Variants in SIPA1L2 observed in about 807,000 individuals in gnomAD.
SIPA1L2 encodes the protein signal induced proliferation associated 1 like 2, also known as signal-induced proliferation-associated 1-like protein 2.
Under a neutral mutation model 163.9 loss-of-function variants are expected in SIPA1L2, and 56 were observed. That is an observed-to-expected ratio of 0.34 (90% confidence interval 0.28 to 0.43). The LOEUF is 0.43. Ranked by LOEUF, SIPA1L2 falls within the 20% of genes least tolerant of loss-of-function variation. SIPA1L2 has a pLI of 1.00. For missense variants in SIPA1L2, 1,974 were observed against 2,193.5 expected (o/e 0.90, Z 2.00); for synonymous variants, 877 against 865.7 (o/e 1.01, Z -0.23).
Position 232,461,170 on chromosome 1 carries a change from G to C in SIPA1L2, c.2821-9C>G, listed in dbSNP as rs1664216023. The C allele has an allele frequency of 6.2e-7, 1 of 1,611,906 alleles. No homozygotes were observed. Among genetic ancestry groups the C allele is most frequent in the Admixed American group, 1.7e-5 (1 of 59,914 alleles). Reference sequence around the variant, plus strand: ...CAGCCTCTCGTCACTATCTAAGGGGGAAGGAGACTGTTAGAGATGCCCTTC... The same window carrying C: ...CAGCCTCTCGTCACTATCTAAGGGGCAAGGAGACTGTTAGAGATGCCCTTC... On this transcript the variant is annotated splice_polypyrimidine_tract_variant and intron_variant, in intron 9 of 22. Transcript: ENST00000674635.
intron 1 of SIPA1L2, among the ~76,000 whole-genome samples, chr1:232,603,179 A>G (rs1447969851): frequency 6.6e-6 from 1 of 152,216 alleles, no homozygotes; most frequent in African/African-American, 2.4e-5. Context: ...GACAAAGAAC[A>G]GAGTGCAACA....
chr1:232,438,136 G>A (rs941036329), intron 15 of SIPA1L2, among the ~76,000 whole-genome samples: 1 of 152,096 alleles, frequency 6.6e-6, no homozygotes, highest in African/African-American at 2.4e-5. Flanking sequence ...GACTTTGAAG[G>A]GGAGCCTGAG....
intron 3 of SIPA1L2, among the ~76,000 whole-genome samples, chr1:232,504,891 A>C (rs568026759): frequency 4.6e-5 from 7 of 152,368 alleles, no homozygotes; most frequent in African/African-American, 1.7e-4. Flanking sequence ...ATGCAAACCC[A>C]GACAGTCCGG....
chr1:232,444,169 C>T (rs1360199076), intron 11 of SIPA1L2, among the ~76,000 whole-genome samples: 7 of 151,938 alleles, frequency 4.6e-5, no homozygotes, highest in Admixed American at 6.6e-5. Context: ...ATCTTTTTTT[C>T]AGACATGCAA....
At chr1:232,488,483 A>G (rs1340760826) in intron 5 of SIPA1L2, among the ~76,000 whole-genome samples, 1 of 152,238 alleles carries the variant, frequency 6.6e-6, no homozygotes, top group African/African-American at 2.4e-5. Flanking sequence ...AGATGAACAT[A>G]AACAGTATGT....
chr1:232,551,940 A>G (rs1394653505), intron 2 of SIPA1L2, among the ~76,000 whole-genome samples: 2 of 152,172 alleles, frequency 1.3e-5, no homozygotes, highest in African/African-American at 4.8e-5. Context: ...CCTGGGTTTA[A>G]GCGATTCTCC....
At chr1:232,481,225 G>A (rs1029858741) in intron 6 of SIPA1L2, among the ~76,000 whole-genome samples, 2 of 152,190 alleles carry the variant, frequency 1.3e-5, no homozygotes, top group Non-Finnish European at 2.9e-5. Context: ...AACCTTGACA[G>A]TGAACGTGGC....
At chr1:232,484,965 T>C (rs1572967859) in intron 5 of SIPA1L2, among the ~76,000 whole-genome samples, 1 of 152,206 alleles carries the variant, frequency 6.6e-6, no homozygotes. Flanking sequence ...GGCAAAATGA[T>C]ACTCATTTCC....
chr1:232,573,584 C>T (rs1355041436), intron 2 of SIPA1L2, among the ~76,000 whole-genome samples: 5 of 152,148 alleles, frequency 3.3e-5, no homozygotes, highest in Admixed American at 3.3e-4. Context: ...CATCTTATTT[C>T]CTGCTGCTAC....
At chr1:232,530,846 G>A (rs114039835) in intron 2 of SIPA1L2, among the ~76,000 whole-genome samples, 4 of 152,186 alleles carry the variant, frequency 2.6e-5, no homozygotes, top group Admixed American at 6.5e-5. Context: ...TAAAATCTCC[G>A]TTTTCCCCTC....
intron 2 of SIPA1L2, among the ~76,000 whole-genome samples, chr1:232,546,004 C>A (rs1053831445): frequency 6.6e-6 from 1 of 152,220 alleles, no homozygotes; most frequent in African/African-American, 2.4e-5. Context: ...GACGTAGGCA[C>A]AATCAGCAAC....
rs1424525895 is a variant in SIPA1L2, at chr1:232,479,649, T to C, written c.2063A>G (p.Tyr688Cys). Residue 688 changes from tyrosine (Y) to cysteine (C), a missense_variant, in exon 7 of 23, where the codon TAC becomes TGC. Around this residue, in one of 3 missense-constraint regions of SIPA1L2, gnomAD observed 288 missense variants for 418.9 expected, o/e 0.69. Transcript: ENST00000674635. ...LMFHVSTLLP[Y>C]MPNNRQQLLR... is the part of the protein sequence containing the mutation. ...TACCTGTTGTCTGTTGTTGGGCATG[T>C]AGGGAAGCAGGGTTGACACGTGGAA... 3 of 1,613,624 alleles carry C rather than the reference T, an allele frequency of 1.9e-6. No individual in the cohort carries two copies. Among genetic ancestry groups the C allele is most frequent in the South Asian group, 1.1e-5 (1 of 91,072 alleles).
At chr1:232,495,564 CAAAAA>C (rs386369969) in intron 3 of SIPA1L2, among the ~76,000 whole-genome samples, 1 of 100,364 alleles carries the variant, frequency 1.0e-5, no homozygotes. Context: ...GACTCCGTCT[CAAAAA>C]AAAAAAAAAA....
At chr1:232,405,116 G>GCT (rs1426523920) in intron 19 of SIPA1L2, among the ~76,000 whole-genome samples, 159 of 152,322 alleles carry the variant, frequency 1.0e-3, no homozygotes, top group African/African-American at 3.8e-3. Flanking sequence ...AAAAAGGATG[G>GCT]TCACATTGAA....
At chr1:232,594,547 T>C (rs945084) in intron 1 of SIPA1L2, among the ~76,000 whole-genome samples, 44,609 of 151,994 alleles carry the variant, frequency 0.29, 7,077 homozygotes, top group Non-Finnish European at 0.36. Flanking sequence ...TTCTTTAGTT[T>C]CCATCCTCAC....
Position 232,439,420 on chromosome 1 carries a change from T to C in SIPA1L2, c.3719A>G (p.Lys1240Arg), listed in dbSNP as rs368970454. The C allele has an allele frequency of 7.1e-5, 115 of 1,614,072 alleles. No homozygotes were observed. Among genetic ancestry groups the C allele is most frequent in the Non-Finnish European group, 9.2e-5 (108 of 1,180,026 alleles). Residue 1240 changes from lysine (K) to arginine (R), a missense_variant, in exon 15 of 23, where the codon AAG (lysine) becomes AGG (arginine). Lys to Arg is a conservative substitution (Grantham distance 26). Transcript: ENST00000674635. ...SSNTSSNSDD[K>R]HFGSGDLMDP... is the part of the protein sequence containing the mutation. ...CATCAGGTCGCCAGACCCAAAGTGC[T>C]TGTCGTCACTGTTGCTGGAGGTGTT...
intron 2 of SIPA1L2, among the ~76,000 whole-genome samples, chr1:232,558,575 T>C (rs1402249739): frequency 1.3e-5 from 2 of 152,166 alleles, no homozygotes; most frequent in Non-Finnish European, 2.9e-5. Context: ...CATACTCCGC[T>C]ACTGAGTTTG....
intron 3 of SIPA1L2, among the ~76,000 whole-genome samples, chr1:232,510,641 C>T (rs376448697): frequency 2.6e-5 from 4 of 152,174 alleles, no homozygotes; most frequent in African/African-American, 7.2e-5. Context: ...GTCTTTAAAA[C>T]TACCAAGAAG....
intron 19 of SIPA1L2, among the ~76,000 whole-genome samples, chr1:232,408,425 A>C (rs1660766304): frequency 6.6e-6 from 1 of 152,134 alleles, no homozygotes. Flanking sequence ...CTCAGGAATT[A>C]GATTTCTGGT....
Sources: allele counts gnomAD v4.1 joint callset (sites outside exome capture counted in the v4.1 genomes callset), GRCh38; gene constraint gnomAD v4.1.1; regional missense constraint gnomAD v4.1.1; transcripts MANE v1.5; gene names NCBI Gene and HGNC (gene_info 2026-07-23, HGNC 2026-07-21).